GSE1: variants seen among roughly 807,000 people sequenced by gnomAD.
GSE1 encodes Gse1 coiled-coil protein.
Under a neutral mutation model 112.6 loss-of-function variants are expected in GSE1, and 32 were observed. The ratio of observed to expected loss-of-function variants is 0.28; its 90% CI spans 0.21 to 0.38. The LOEUF is 0.38. GSE1 is among the 10% of genes least tolerant of loss of function. GSE1 has a pLI of 1.00. For missense variants in GSE1, 2,348 were observed against 1,699.2 expected (o/e 1.38, Z -6.71); for synonymous variants, 1,115 against 735.6 (o/e 1.52, Z -8.35).
At chr16:85,410,476 G>C (rs78573775) in intron 2 of GSE1, among the ~76,000 whole-genome samples, 700 of 1,396 alleles carry the variant, frequency 0.5, 281 homozygotes, top group East Asian at 0.73. Flanking sequence ...CCTGGATAAT[G>C]CTCACTGTTA....
chr16:85,492,086 G>A (rs1227496441), intron 2 of GSE1, among the ~76,000 whole-genome samples: 3 of 152,208 alleles, frequency 2.0e-5, no homozygotes, highest in Non-Finnish European at 2.9e-5. Flanking sequence ...CACTGGACAC[G>A]CCCGCCCCTC....
intron 1 of GSE1, among the ~76,000 whole-genome samples, chr16:85,322,949 C>T (rs984741247): frequency 3.3e-5 from 5 of 152,178 alleles, no homozygotes; most frequent in Admixed American, 6.5e-5. Context: ...GAGGCTCAGA[C>T]GACTTCGGGG....
At chr16:85,253,267 G>C (rs931516607) in intron 1 of GSE1, among the ~76,000 whole-genome samples, 1 of 152,192 alleles carries the variant, frequency 6.6e-6, no homozygotes, top group Non-Finnish European at 1.5e-5. Context: ...CTCTGCCCCA[G>C]TCCTGCCCTG....
At chr16:85,655,136 T>G (rs2051808995) in intron 5 of GSE1, 145 bp downstream of exon 5, 1 of 655,270 alleles carries the variant, frequency 1.5e-6, no homozygotes, top group Non-Finnish European at 2.7e-6. Flanking sequence ...GTCCCCAGCT[T>G]TGAGCCTAAA....
At chr16:85,603,913 G>A (rs1471016326) in intron 1 of GSE1, among the ~76,000 whole-genome samples, 1 of 152,176 alleles carries the variant, frequency 6.6e-6, no homozygotes. Flanking sequence ...TGCAGCCCTC[G>A]TCTCTGTCCT....
chr16:85,245,825 A>G (rs1905587987), intron 1 of GSE1, among the ~76,000 whole-genome samples: 1 of 151,808 alleles, frequency 6.6e-6, no homozygotes, highest in Non-Finnish European at 1.5e-5. Context: ...TGGCACCAAA[A>G]CCCAACCCTG....
At chr16:85,525,884 C>T (rs1292783148) in intron 2 of GSE1, among the ~76,000 whole-genome samples, 1 of 152,208 alleles carries the variant, frequency 6.6e-6, no homozygotes, top group African/African-American at 2.4e-5. Flanking sequence ...GGGTACCTCA[C>T]TGGTGGCTGA....
At chr16:85,246,006 TGTGTGC>T (rs1384381226) in intron 1 of GSE1, among the ~76,000 whole-genome samples, 1 of 150,062 alleles carries the variant, frequency 6.7e-6, no homozygotes, top group Non-Finnish European at 1.5e-5. Context: ...AGGCAAGGGG[TGTGTGC>T]GTGTGTGTGT....
intron 1 of GSE1, among the ~76,000 whole-genome samples, chr16:85,621,497 G>A (rs2048741586): frequency 6.6e-6 from 1 of 152,182 alleles, no homozygotes; most frequent in South Asian, 2.1e-4. Flanking sequence ...CCACCTAAAT[G>A]TACATCTTAT....
intron 2 of GSE1, among the ~76,000 whole-genome samples, chr16:85,398,915 G>A (rs1755534741): frequency 6.6e-6 from 1 of 152,136 alleles, no homozygotes; most frequent in Non-Finnish European, 1.5e-5. Flanking sequence ...CATGTATAAT[G>A]CATGTCGAGT....
chr16:85,537,929 C>T (rs2044387084), intron 2 of GSE1, among the ~76,000 whole-genome samples: 1 of 152,182 alleles, frequency 6.6e-6, no homozygotes, highest in Admixed American at 6.5e-5. Flanking sequence ...AGGCCTGAGG[C>T]AGGGAGGCGA....
At chr16:85,327,864 C>T (rs1287805188) in intron 1 of GSE1, among the ~76,000 whole-genome samples, 2 of 152,186 alleles carry the variant, frequency 1.3e-5, no homozygotes, top group East Asian at 3.8e-4. Context: ...CTGTCATATA[C>T]AGGCTATTTG....
chr16:85,387,009 G>C (rs189156107), intron 2 of GSE1, among the ~76,000 whole-genome samples: 140 of 152,338 alleles, frequency 9.2e-4, no homozygotes, highest in African/African-American at 3.3e-3. Flanking sequence ...TCTAGCACCA[G>C]CTCCCTGAGT....
chr16:85,665,828 G>C (rs376772675), intron 12 of GSE1, 148 bp from the exon 13 acceptor site: 4 of 685,734 alleles, frequency 5.8e-6, no homozygotes, highest in South Asian at 1.8e-5. Flanking sequence ...AGCCATGTGC[G>C]CGGCGGTTAC....
At chr16:85,309,875 G>A (rs1054148110) in intron 1 of GSE1, among the ~76,000 whole-genome samples, 3 of 152,256 alleles carry the variant, frequency 2.0e-5, no homozygotes, top group Non-Finnish European at 2.9e-5. Flanking sequence ...TACAGCTGGC[G>A]AAGTGGCGGG....
At chr16:85,523,016 G>A (rs572693966) in intron 2 of GSE1, among the ~76,000 whole-genome samples, 127 of 152,152 alleles carry the variant, frequency 8.3e-4, no homozygotes, top group African/African-American at 2.9e-3. Context: ...GTGGGCACGT[G>A]TTGTGTGTAT....
Position 85,233,021 on chromosome 16 carries a change from G to A in GSE1, c.2283+61214G>A, listed in dbSNP as rs563696515. The stretch of plus-strand genomic sequence containing the variant: ...TCAGAGATGGCAGTCGGCAGTCGAG[G>A]GCAGGGAGACCTTTGCTTTGGTCCC... On this transcript the variant is annotated intron_variant, in intron 1 of 2. Coordinates refer to the GSE1 transcript ENST00000637419. 2.6e-5 allele frequency among the ~76,000 whole-genome samples: 4 copies of A among 152,354 alleles called. No individual in the cohort carries two copies. The South Asian group carries it at 8.3e-4, about 32-fold the overall frequency.
intron 1 of GSE1, among the ~76,000 whole-genome samples, chr16:85,218,057 C>T (rs1375614973): frequency 6.6e-6 from 1 of 152,116 alleles, no homozygotes; most frequent in East Asian, 1.9e-4. Context: ...CGCACTACCA[C>T]ACCCAGGTAA....
At chr16:85,294,415 T>G (rs2045303956) in intron 1 of GSE1, among the ~76,000 whole-genome samples, 3 of 152,182 alleles carry the variant, frequency 2.0e-5, no homozygotes, top group Non-Finnish European at 4.4e-5. Context: ...AGCTGCGTGG[T>G]GTTCCATGGG....
Sources: gnomAD v4.1 joint callset for allele counts (sites outside exome capture counted in the v4.1 genomes callset) on GRCh38, gnomAD v4.1.1 for gene constraint, MANE v1.5 for transcripts, NCBI Gene and HGNC (gene_info 2026-07-23, HGNC 2026-07-21) for gene names.